AAGAB: variants seen among roughly 807,000 people sequenced by gnomAD.
AAGAB encodes the protein alpha- and gamma-adaptin-binding protein p34.
In AAGAB, 38 loss-of-function variants were observed where a neutral mutation model predicts 44.1. The observed-to-expected ratio is 0.86, with a 90% CI of 0.67 to 1.13. AAGAB has a LOEUF of 1.13. Ranked by LOEUF, AAGAB falls within the 50% of genes most tolerant of loss-of-function variation. The pLI, the probability that AAGAB is intolerant of heterozygous loss-of-function variation, is 0.00. For synonymous variants in AAGAB, 131 were observed against 131.8 expected (o/e 0.99, Z 0.04); for missense variants, 450 against 373.8 (o/e 1.20, Z -1.68).
At chr15:67,248,732 G>C (rs1420243931) in intron 1 of AAGAB, among the ~76,000 whole-genome samples, 1 of 152,196 alleles carries the variant, frequency 6.6e-6, no homozygotes, top group Non-Finnish European at 1.5e-5. Context: ...GCAATGTCAT[G>C]AATATGGCTG....
chr15:67,226,872 T>C (rs755876017), intron 5 of AAGAB: 45 of 246,980 alleles, frequency 1.8e-4, no homozygotes, highest in Non-Finnish European at 3.4e-4. Flanking sequence ...CAGGAAGGAA[T>C]GCAATTCATC....
intron 5 of AAGAB, among the ~76,000 whole-genome samples, chr15:67,225,302 T>A (rs1219884704): frequency 3.3e-5 from 5 of 152,232 alleles, no homozygotes; most frequent in Non-Finnish European, 7.3e-5. Flanking sequence ...GCTATTAGTA[T>A]CACTGCCACT....
chr15:67,254,949 T>A (rs145301694), upstream of AAGAB: 292 of 1,612,954 alleles, frequency 1.8e-4, no homozygotes, highest in Admixed American at 2.7e-4. Context: ...TTAATCCAGG[T>A]GGGAAACGGG....
chr15:67,235,452 G>C (rs1252468036), intron 4 of AAGAB, among the ~76,000 whole-genome samples: 2 of 152,112 alleles, frequency 1.3e-5, no homozygotes, highest in East Asian at 3.9e-4. Flanking sequence ...TAGAAGAGGG[G>C]AAGAAATAGA....
chr15:67,209,628 C>A, intron 5 of AAGAB, 84 bp from the exon 6 acceptor site: 1 of 1,092,576 alleles, frequency 9.2e-7, no homozygotes, highest in Non-Finnish European at 1.4e-6. Flanking sequence ...ACAAAGGCTA[C>A]TTATTTGTTA....
Position 67,201,375 on chromosome 15 carries a change from G to A in AAGAB, c.*1446C>T, listed in dbSNP as rs1963567470. The A allele has an allele frequency of 6.6e-6, 1 of 152,136 alleles. No homozygotes were observed. Among genetic ancestry groups the A allele is most frequent in the African/African-American group, 2.4e-5 (1 of 41,348 alleles). The allele number at this position is 152,136 out of a possible 1,614,324, so 9.4% of individuals were successfully genotyped here. A position where few individuals can be genotyped will look rare whatever the true frequency, so the allele number is the denominator to read the frequency against. The stretch of plus-strand genomic sequence containing the variant: ...TCTTCCTGAATGCTCCAGTCACTGA[G>A]CTGTCCCCTCCCTGTGGTCACTCCT... On this transcript the variant is annotated 3_prime_UTR_variant, in exon 10 of 10. Coordinates refer to ENST00000261880, the MANE Select transcript of AAGAB (RefSeq NM_024666.5).
Position 67,236,037 on chromosome 15 carries a change from G to T in AAGAB, c.393C>A (p.Cys131Ter). 6.2e-7 allele frequency: 1 copy of T among 1,613,068 alleles called. No homozygotes were observed. The highest frequency in any genetic ancestry group is 8.5e-7 in the Non-Finnish European group (1 of 1,179,416). The change falls in exon 4 of 10, where the codon TGC becomes TGA. Residue 131 changes from cysteine to a stop codon, truncating the protein, a stop_gained. Coordinates refer to ENST00000261880, the MANE Select transcript of AAGAB (RefSeq NM_024666.5). LOFTEE classifies it high-confidence loss of function. ...GINRQKAQEW[C>*]IKHGFELVEL... ...CTACCAATTCAAAGCCATGTTTGAT[G>T]CACCATTCTTGAGCTTTTTGTCGGT...
chr15:67,205,930 T>C (rs1235245090), intron 7 of AAGAB, among the ~76,000 whole-genome samples: 1 of 152,198 alleles, frequency 6.6e-6, no homozygotes, highest in African/African-American at 2.4e-5. Context: ...AGAGTTTCTA[T>C]ATGCTCTTCA....
At chr15:67,226,673 T>G (rs1964211782) in intron 5 of AAGAB, 1 of 152,422 alleles carries the variant, frequency 6.6e-6, no homozygotes, top group African/African-American at 2.4e-5. Flanking sequence ...ATTTTTAATT[T>G]TGATGAAGTC....
intron 7 of AAGAB, among the ~76,000 whole-genome samples, chr15:67,204,978 G>A (rs1963653620): frequency 6.6e-6 from 1 of 152,212 alleles, no homozygotes; most frequent in African/African-American, 2.4e-5. Flanking sequence ...CCATAAGAGA[G>A]AATTTGCTTT....
chr15:67,201,177 C>CT lies in AAGAB; in HGVS notation c.*1643dup, dbSNP rs768894480. The CT allele has an allele frequency of 8.2e-3, 1,138 of 139,570 alleles. 6 individuals carry two copies. The highest frequency in any genetic ancestry group is 0.013 in the Admixed American group (181 of 13,764). 8.6% of individuals were successfully genotyped at this position (139,570 alleles called of 1,614,324 possible). ...ATCTTTTAAGGAAAACATGTTCCACCTTTTTTTTTTTTTTGCAATCCCAGA... is the reference window on the plus strand; with the variant it reads ...ATCTTTTAAGGAAAACATGTTCCACCTTTTTTTTTTTTTTTGCAATCCCAGA... On this transcript the variant is annotated 3_prime_UTR_variant, in exon 10 of 10. Coordinates refer to ENST00000261880, the MANE Select transcript of AAGAB (RefSeq NM_024666.5).
At chr15:67,221,803 G>A (rs1157297658) in intron 5 of AAGAB, among the ~76,000 whole-genome samples, 1 of 152,118 alleles carries the variant, frequency 6.6e-6, no homozygotes, top group African/African-American at 2.4e-5. Context: ...TTAATTTTTA[G>A]CAAGTTCAAT....
intron 1 of AAGAB, among the ~76,000 whole-genome samples, chr15:67,243,275 T>C (rs1964646622): frequency 6.6e-6 from 1 of 152,164 alleles, no homozygotes; most frequent in African/African-American, 2.4e-5. Context: ...AAGGGTTTTA[T>C]AAAGATTAAG....
chr15:67,252,597 G>A (rs770718679), intron 1 of AAGAB, among the ~76,000 whole-genome samples: 32 of 152,066 alleles, frequency 2.1e-4, no homozygotes, highest in South Asian at 8.3e-4. Context: ...TTCTCTGTAT[G>A]CTAAATTTTA....
rs766356916 is a variant in AAGAB at position 67,202,852 on chromosome 15, A to G, written c.917T>C (p.Ile306Thr). Residue 306 changes from isoleucine (I) to threonine (T), a missense_variant, in exon 10 of 10, where the codon ATT becomes ACT. Transcript: ENST00000261880. ...CTCTTCATCAGATGAAAGGCCTTCAATTTCATCTCTGTCTCCCCCGATTGC... is the reference window on the plus strand; with the variant it reads ...CTCTTCATCAGATGAAAGGCCTTCAGTTTCATCTCTGTCTCCCCCGATTGC... ...WMAIGGDRDE[I>T]EGLSSDEEH 8.7e-6 allele frequency: 14 copies of G among 1,613,944 alleles called. No homozygotes were observed. Among genetic ancestry groups the G allele is most frequent in the African/African-American group, 5.3e-5 (4 of 74,900 alleles).
intron 5 of AAGAB, among the ~76,000 whole-genome samples, chr15:67,219,838 T>G (rs747593607): frequency 6.6e-6 from 1 of 152,230 alleles, no homozygotes; most frequent in Admixed American, 6.5e-5. Context: ...TAAGTTAATA[T>G]AGAAGTTATA....
At chr15:67,204,688 G>T (rs118052648) in intron 7 of AAGAB, among the ~76,000 whole-genome samples, 2 of 152,054 alleles carry the variant, frequency 1.3e-5, no homozygotes, top group East Asian at 3.9e-4. Context: ...CTATTCAGAG[G>T]TAGAGCTGAT....
Position 67,254,638 on chromosome 15 carries a change from G to C in AAGAB, c.-7C>G, listed in dbSNP as rs201942506. 1 of 1,585,320 alleles carries C rather than the reference G, an allele frequency of 6.3e-7. No individual in the cohort carries two copies. Among genetic ancestry groups the C allele is most frequent in the Admixed American group, 1.8e-5 (1 of 54,786 alleles). On this transcript the variant is annotated 5_prime_UTR_variant, in exon 1 of 10. Transcript: ENST00000261880. ...AGGGTACGCCAGCAGCCATAGCTGC[G>C]CTCGCGAGCCGGTTCCGTCAGGCAG...
At chr15:67,218,438 T>G (rs1005386335) in intron 5 of AAGAB, among the ~76,000 whole-genome samples, 25 of 133,310 alleles carry the variant, frequency 1.9e-4, no homozygotes, top group African/African-American at 6.2e-4. Context: ...CAACCTAGCC[T>G]GAAACAAACA....
Sources: allele counts gnomAD v4.1 joint callset (sites outside exome capture counted in the v4.1 genomes callset), GRCh38; gene constraint gnomAD v4.1.1; transcripts MANE v1.5; gene names NCBI Gene and HGNC (gene_info 2026-07-23, HGNC 2026-07-21).